Variants in FHOD3 observed in about 807,000 individuals in gnomAD.
FHOD3 encodes the protein formin homology 2 domain containing 3, also known as FH1/FH2 domain-containing protein 3.
In FHOD3, 90 loss-of-function variants were observed where a neutral mutation model predicts 173.0. The observed-to-expected ratio is 0.52, with a 90% CI of 0.44 to 0.62. The LOEUF (loss-of-function observed/expected upper bound fraction) is 0.62, where lower values mean the gene tolerates loss of function less well. Ranked by LOEUF, FHOD3 falls within the 20% of genes least tolerant of loss-of-function variation. FHOD3 has a pLI of 0.00. For missense variants in FHOD3, 1,945 were observed against 2,034.7 expected (o/e 0.96, Z 0.85); for synonymous variants, 828 against 823.0 (o/e 1.01, Z -0.10).
chr18:36,778,694 T>C (rs2043870464), intron 28 of FHOD3: 1 of 152,234 alleles, frequency 6.6e-6, no homozygotes, highest in South Asian at 2.1e-4. Context: ...TTGGCCATTC[T>C]TGAGTCTTGT....
chr18:36,716,727 G>A (rs1163322266), intron 18 of FHOD3, among the ~76,000 whole-genome samples: 1 of 152,204 alleles, frequency 6.6e-6, no homozygotes, highest in African/African-American at 2.4e-5. Context: ...CAGCAGCTGA[G>A]AAGGGTGGTG....
chr18:36,499,570 T>C (rs2054922613), intron 3 of FHOD3, among the ~76,000 whole-genome samples: 1 of 152,216 alleles, frequency 6.6e-6, no homozygotes, highest in African/African-American at 2.4e-5. Context: ...AAAGTCTTTT[T>C]CTCTGGGATT....
chr18:36,512,384 ATGGAAGG>A (rs1329130922), intron 4 of FHOD3, 47 bp from the exon 5 acceptor site: 3 of 1,327,350 alleles, frequency 2.3e-6, no homozygotes, highest in African/African-American at 1.4e-5. Context: ...CACAGCTGGG[ATGGAAGG>A]TGGACAGGGA....
At chr18:36,357,912 GA>G (rs1295755205) in intron 2 of FHOD3, among the ~76,000 whole-genome samples, 3 of 152,010 alleles carry the variant, frequency 2.0e-5, no homozygotes, top group Non-Finnish European at 4.4e-5. Flanking sequence ...TGACAGCTCA[GA>G]AAAAAAGTGC....
chr18:36,643,897 A>G (rs568639522), intron 10 of FHOD3, among the ~76,000 whole-genome samples: 5 of 152,172 alleles, frequency 3.3e-5, no homozygotes, highest in Non-Finnish European at 7.4e-5. Context: ...CTTAGAACAT[A>G]CTTTAACATT....
At chr18:36,409,315 G>A (rs1320651453) in intron 3 of FHOD3, among the ~76,000 whole-genome samples, 1 of 152,194 alleles carries the variant, frequency 6.6e-6, no homozygotes, top group African/African-American at 2.4e-5. Context: ...AAGACTGATA[G>A]CACAGTCTAG....
intron 8 of FHOD3, among the ~76,000 whole-genome samples, chr18:36,605,111 CT>C (rs1408751854): frequency 6.6e-6 from 1 of 152,114 alleles, no homozygotes; most frequent in African/African-American, 2.4e-5. Flanking sequence ...ATTTTCAAAT[CT>C]TTTTGTGAGC....
At chr18:36,686,265 A>G (rs1040573564) in intron 15 of FHOD3, among the ~76,000 whole-genome samples, 1 of 152,088 alleles carries the variant, frequency 6.6e-6, no homozygotes, top group African/African-American at 2.4e-5. Context: ...ATGGAATACT[A>G]TGTAGCCATA....
At chr18:36,586,411 C>G (rs1204873010) in intron 6 of FHOD3, among the ~76,000 whole-genome samples, 1 of 152,176 alleles carries the variant, frequency 6.6e-6, no homozygotes, top group Non-Finnish European at 1.5e-5. Flanking sequence ...CATATACTAT[C>G]AAGATGCTCC....
intron 9 of FHOD3, among the ~76,000 whole-genome samples, chr18:36,615,270 A>G (rs949263866): frequency 3.3e-5 from 5 of 152,100 alleles, no homozygotes; most frequent in African/African-American, 1.2e-4. Context: ...TCCACTTCTG[A>G]TATAACTGAT....
At chr18:36,544,889 G>A (rs2057356923) in intron 5 of FHOD3, among the ~76,000 whole-genome samples, 1 of 152,162 alleles carries the variant, frequency 6.6e-6, no homozygotes, top group Non-Finnish European at 1.5e-5. Flanking sequence ...TCAAAAATTA[G>A]ACAAACAACC....
intron 9 of FHOD3, among the ~76,000 whole-genome samples, chr18:36,615,847 T>C (rs970843646): frequency 5.3e-5 from 8 of 152,216 alleles, no homozygotes; most frequent in Non-Finnish European, 1.0e-4. Context: ...GTTACTGTCA[T>C]AATAAGTGAC....
intron 5 of FHOD3, among the ~76,000 whole-genome samples, chr18:36,539,465 C>T (rs1390431): frequency 0.53 from 80,285 of 152,020 alleles, 21,292 homozygotes; most frequent in East Asian, 0.62. Context: ...GCCCAGTCAC[C>T]GTCCAGAGAG....
chr18:36,719,871 C>T (rs891803863), intron 19 of FHOD3, among the ~76,000 whole-genome samples: 1 of 152,214 alleles, frequency 6.6e-6, no homozygotes, highest in Admixed American at 6.5e-5. Flanking sequence ...TGTAGTTGAT[C>T]AGCTTCCTTT....
intron 1 of FHOD3, among the ~76,000 whole-genome samples, chr18:36,321,685 T>C (rs1439061967): frequency 6.6e-6 from 1 of 152,094 alleles, no homozygotes; most frequent in Non-Finnish European, 1.5e-5. Context: ...GACTTGCAGG[T>C]GGCTGGTTGG....
At chr18:36,764,662 G>T (rs2043064130) in intron 27 of FHOD3, among the ~76,000 whole-genome samples, 2 of 152,176 alleles carry the variant, frequency 1.3e-5, no homozygotes, top group African/African-American at 4.8e-5. Flanking sequence ...AGCGAGAAAA[G>T]ATGTTGGTGG....
intron 3 of FHOD3, among the ~76,000 whole-genome samples, chr18:36,432,832 C>T (rs1513844): frequency 1.3e-5 from 2 of 152,156 alleles, no homozygotes; most frequent in South Asian, 2.1e-4. Flanking sequence ...GAGCAAGGGA[C>T]AGCGTAGCTT....
chr18:36,313,970 C>T (rs2092310288), intron 1 of FHOD3, among the ~76,000 whole-genome samples: 2 of 151,828 alleles, frequency 1.3e-5, no homozygotes, highest in Admixed American at 1.3e-4. Context: ...GCAGCCTCGA[C>T]CTCCTAGGCT....
At chr18:36,488,761 T>C (rs1196315582) in intron 3 of FHOD3, among the ~76,000 whole-genome samples, 1 of 152,202 alleles carries the variant, frequency 6.6e-6, no homozygotes, top group African/African-American at 2.4e-5. Flanking sequence ...GAATTTCCTC[T>C]GAAATGCAAA....
Sources: gnomAD v4.1 joint callset for allele counts (sites outside exome capture counted in the v4.1 genomes callset) on GRCh38, gnomAD v4.1.1 for gene constraint, MANE v1.5 for transcripts, NCBI Gene and HGNC (gene_info 2026-07-23, HGNC 2026-07-21) for gene names.